Variants in PDLIM5 observed in about 807,000 individuals in gnomAD.
PDLIM5 encodes PDZ and LIM domain protein 5.
In PDLIM5, 34 loss-of-function variants were observed where a neutral mutation model predicts 64.2. The observed-to-expected ratio is 0.53, with a 90% CI of 0.40 to 0.71. The LOEUF (loss-of-function observed/expected upper bound fraction) is 0.71, where lower values mean the gene tolerates loss of function less well. Among genes scored for constraint, PDLIM5 ranks in the 30% least tolerant of loss-of-function variants. The pLI is 0.00. For synonymous variants in PDLIM5, 253 were observed against 269.1 expected (o/e 0.94, Z 0.59); for missense variants, 683 against 733.6 (o/e 0.93, Z 0.80).
intron 2 of PDLIM5, among the ~76,000 whole-genome samples, chr4:94,494,296 C>CT (rs1257840775): frequency 6.6e-6 from 1 of 151,850 alleles, no homozygotes; most frequent in African/African-American, 2.4e-5. Flanking sequence ...TCTTCATGCG[C>CT]TTCTGCATGT....
chr4:94,640,413 C>G lies in PDLIM5; in HGVS notation c.1246C>G (p.Arg416Gly). The G allele has an allele frequency of 6.2e-7, 1 of 1,608,166 alleles. No individual in the cohort carries two copies. The highest frequency in any genetic ancestry group is 8.5e-7 in the Non-Finnish European group (1 of 1,176,790). ...AGCTGAGCACATTCCAGCAGGGAAA[C>G]GAACTCCGATGTGCGCCCATTGTAA... Reference protein sequence around the residue: ...QRAEHIPAGKRTPMCAHCNQV... With the variant: ...QRAEHIPAGKGTPMCAHCNQV... The change falls in exon 9 of 13, where the codon CGA becomes GGA. Residue 416 changes from arginine (R) to glycine (G), a missense_variant. Arg to Gly is a moderately radical substitution (Grantham distance 125). Coordinates refer to ENST00000317968, the MANE Select transcript of PDLIM5 (RefSeq NM_006457.5).
chr4:94,521,154 G>C (rs1729792880), intron 2 of PDLIM5, among the ~76,000 whole-genome samples: 1 of 152,146 alleles, frequency 6.6e-6, no homozygotes, highest in Non-Finnish European at 1.5e-5. Context: ...TCTCTACATT[G>C]TAGGAAGCAG....
chr4:94,459,773 G>A (rs1420969027), intron 2 of PDLIM5, among the ~76,000 whole-genome samples: 1 of 152,208 alleles, frequency 6.6e-6, no homozygotes, highest in East Asian at 1.9e-4. Context: ...TCCTTTAGGA[G>A]AAGTTAATTG....
At chr4:94,462,399 A>G (rs1190528556) in intron 2 of PDLIM5, among the ~76,000 whole-genome samples, 1 of 152,094 alleles carries the variant, frequency 6.6e-6, no homozygotes, top group African/African-American at 2.4e-5. Flanking sequence ...ACTTAACCCA[A>G]CATCAGTAAA....
chr4:94,607,504 A>C (rs1490595704), intron 7 of PDLIM5, among the ~76,000 whole-genome samples: 1 of 152,210 alleles, frequency 6.6e-6, no homozygotes, highest in Non-Finnish European at 1.5e-5. Context: ...CTGTTGTATG[A>C]GCAGATAAAA....
intron 2 of PDLIM5, among the ~76,000 whole-genome samples, chr4:94,471,004 C>A (rs1453580035): frequency 1.3e-5 from 2 of 152,204 alleles, no homozygotes; most frequent in African/African-American, 4.8e-5. Flanking sequence ...CAGGGGAACT[C>A]CCCTTTATAA....
At chr4:94,546,048 A>G (rs1732284042) in intron 3 of PDLIM5, among the ~76,000 whole-genome samples, 1 of 152,238 alleles carries the variant, frequency 6.6e-6, no homozygotes, top group East Asian at 1.9e-4. Context: ...GTGAGGTTGT[A>G]ACTCAGTTCA....
intron 3 of PDLIM5, among the ~76,000 whole-genome samples, chr4:94,553,319 G>A (rs191266613): frequency 1.0e-3 from 152 of 152,188 alleles, no homozygotes; most frequent in African/African-American, 3.5e-3. Flanking sequence ...ATCCTGGTCA[G>A]GCTGGTCTCG....
intron 7 of PDLIM5, among the ~76,000 whole-genome samples, chr4:94,596,841 A>G (rs760629298): frequency 2.0e-5 from 3 of 152,144 alleles, no homozygotes; most frequent in Non-Finnish European, 2.9e-5. Context: ...AGTCAAATTA[A>G]AGAACTATCT....
In PDLIM5 at chr4:94,501,995, T is replaced by TATAAA. The variant is rs1421632044; in HGVS notation, c.97-21729_97-21728insATAAA. 5.3e-3 allele frequency among the ~76,000 whole-genome samples: 806 copies of TATAAA among 152,298 alleles called. 3 individuals carry two copies. Among genetic ancestry groups the TATAAA allele is most frequent in the African/African-American group, 0.018 (747 of 41,560 alleles). On this transcript the variant is annotated intron_variant, in intron 2 of 12. Transcript: ENST00000317968. Reference sequence around the variant, plus strand: ...GATTTATAGAATGAAGAAAGGGGACTTTGGGGGCTCTGCCTTTTCTGCTAC... The same window carrying TATAAA: ...GATTTATAGAATGAAGAAAGGGGACTATAAATTGGGGGCTCTGCCTTTTCTGCTAC...
intron 12 of PDLIM5, 109 bp downstream of exon 12, chr4:94,662,646 G>A: frequency 2.1e-6 from 1 of 485,824 alleles, no homozygotes; most frequent in South Asian, 4.1e-5. Context: ...CAAACCTAAG[G>A]AAAAATTATT....
chr4:94,616,783 A>G (rs979326000), intron 7 of PDLIM5, among the ~76,000 whole-genome samples: 5 of 152,374 alleles, frequency 3.3e-5, no homozygotes, highest in Admixed American at 3.3e-4. Context: ...GAACAAGAAT[A>G]GGGAGCAATA....
chr4:94,608,173 T>C, intron 7 of PDLIM5: 1 of 1,528,520 alleles, frequency 6.5e-7, no homozygotes, highest in Non-Finnish European at 8.8e-7. Flanking sequence ...CAACTACTTA[T>C]TCTAGGTAGA....
rs1253622392 is a variant in PDLIM5 at position 94,666,236 on chromosome 4, G to A, written c.*2169G>A. 1 of 473,512 alleles carries A rather than the reference G, an allele frequency of 2.1e-6. No individual in the cohort carries two copies. Among genetic ancestry groups the A allele is most frequent in the Non-Finnish European group, 3.7e-6 (1 of 270,390 alleles). The allele number at this position is 473,512 out of a possible 1,614,324, so 29.3% of individuals were successfully genotyped here. On this transcript the variant is annotated 3_prime_UTR_variant, in exon 13 of 13. Coordinates refer to ENST00000317968, the MANE Select transcript of PDLIM5 (RefSeq NM_006457.5). ...AACTTTCAAGGCATCTGTCCTGAAA[G>A]CTGTTAATTTATGGTCTAGCAGATT...
chr4:94,605,821 G>A lies in PDLIM5; in HGVS notation c.921-12183G>A, dbSNP rs147805655. 1.8e-4 allele frequency among the ~76,000 whole-genome samples: 27 copies of A among 151,076 alleles called. No homozygotes were observed. In the East Asian group the frequency reaches 3.3e-3, roughly 18 times the overall value. ...CTTTTTTCCAATCAGCATATTTCACGGAGATGTTGGAAGACTCAACTTCTC... is the reference window on the plus strand; with the variant it reads ...CTTTTTTCCAATCAGCATATTTCACAGAGATGTTGGAAGACTCAACTTCTC... On this transcript the variant is annotated intron_variant, in intron 7 of 12. Coordinates refer to ENST00000317968, the MANE Select transcript of PDLIM5 (RefSeq NM_006457.5).
chr4:94,575,539 T>C, intron 4 of PDLIM5, 77 bp from the exon 5 acceptor site: 1 of 1,010,990 alleles, frequency 9.9e-7, no homozygotes, highest in Non-Finnish European at 1.5e-6. Context: ...AAAAATCAGC[T>C]CTGTGTTCTT....
At chr4:94,559,288 A>G (rs1042670060) in intron 3 of PDLIM5, among the ~76,000 whole-genome samples, 1 of 152,212 alleles carries the variant, frequency 6.6e-6, no homozygotes, top group Non-Finnish European at 1.5e-5. Flanking sequence ...AGTTGTAATT[A>G]TATGAACCAG....
intron 2 of PDLIM5, among the ~76,000 whole-genome samples, chr4:94,516,804 T>A (rs1729402224): frequency 6.6e-6 from 1 of 152,162 alleles, no homozygotes. Context: ...AGTGCTAGTA[T>A]TACAGGCATG....
At chr4:94,473,864 T>G (rs1472452800) in intron 2 of PDLIM5, among the ~76,000 whole-genome samples, 1 of 152,202 alleles carries the variant, frequency 6.6e-6, no homozygotes, top group Non-Finnish European at 1.5e-5. Flanking sequence ...GAGTAACTGA[T>G]TATGAATGAG....
Sources: gnomAD v4.1 joint callset for allele counts (sites outside exome capture counted in the v4.1 genomes callset) on GRCh38, gnomAD v4.1.1 for gene constraint, MANE v1.5 for transcripts, NCBI Gene and HGNC (gene_info 2026-07-23, HGNC 2026-07-21) for gene names.